TMPRSS13: variants seen among roughly 807,000 people sequenced by gnomAD.
The protein encoded by TMPRSS13 is transmembrane serine protease 13, also known as transmembrane protease serine 13.
Under a neutral mutation model 68.4 loss-of-function variants are expected in TMPRSS13, and 50 were observed. The ratio of observed to expected loss-of-function variants is 0.73; its 90% CI spans 0.58 to 0.93. TMPRSS13 has a LOEUF of 0.93. TMPRSS13 is among the 40% of genes least tolerant of loss of function. The probability of loss-of-function intolerance (pLI) is 0.00; values close to 1 mark genes in which losing one functional copy is unlikely to be tolerated. For synonymous variants in TMPRSS13, 267 were observed against 285.8 expected (o/e 0.93, Z 0.66); for missense variants, 615 against 729.2 (o/e 0.84, Z 1.80).
chr11:117,928,026 A>T (rs2057723452), intron 1 of TMPRSS13, among the ~76,000 whole-genome samples: 1 of 152,180 alleles, frequency 6.6e-6, no homozygotes, highest in South Asian at 2.1e-4. Context: ...TGTCTCAGGG[A>T]TGGACTATCC....
chr11:117,917,916 C>T (rs2057594951), intron 2 of TMPRSS13, among the ~76,000 whole-genome samples: 1 of 152,138 alleles, frequency 6.6e-6, no homozygotes, highest in African/African-American at 2.4e-5. Flanking sequence ...TCTCTGACTC[C>T]CTAGTAGCTA....
At chr11:117,910,664 C>T (rs1182377793) in intron 7 of TMPRSS13, 43 bp downstream of exon 7, 1 of 1,584,364 alleles carries the variant, frequency 6.3e-7, no homozygotes. Context: ...GCCCTTTACT[C>T]CCACACGACA....
intron 7 of TMPRSS13, 69 bp downstream of exon 7, chr11:117,910,638 G>C: frequency 6.8e-7 from 1 of 1,479,622 alleles, no homozygotes; most frequent in Non-Finnish European, 9.2e-7. Context: ...CTCCCTTGGA[G>C]GAGTGCTGCC....
Position 117,914,970 on chromosome 11 carries a change from G to A in TMPRSS13, c.557-456C>T, listed in dbSNP as rs1451451666. Among the ~76,000 whole-genome samples the A allele has an allele frequency of 1.3e-5, 2 of 152,138 alleles. No individual in the cohort carries two copies. Among genetic ancestry groups the A allele is most frequent in the Non-Finnish European group, 2.9e-5 (2 of 68,032 alleles). ...CCTCACAGTCACACAGGCAACCACC[G>A]TCTGTCTGTTCTCAAAGGCGACCAT... is the stretch of plus-strand genomic sequence containing the variant. On this transcript the variant is annotated intron_variant, in intron 3 of 12. Transcript: ENST00000524993. The surrounding 1 kb of genome is among the most constrained non-coding windows in gnomAD (Gnocchi z 4.2).
At chr11:117,905,551 T>C in intron 10 of TMPRSS13, 87 bp downstream of exon 10, 1 of 1,171,902 alleles carries the variant, frequency 8.5e-7, no homozygotes, top group Non-Finnish European at 1.2e-6. Flanking sequence ...TTCATCTGTA[T>C]ACCCAGACAC....
In TMPRSS13 at chr11:117,922,037, C is replaced by T. The variant is rs942897596; in HGVS notation, c.22-3199G>A. ...AGATTCCACACCAACCTTCTTTAGG[C>T]ACTTCACGGCCTGCTGCCCCACGCT... is the stretch of plus-strand genomic sequence containing the variant. On this transcript the variant is annotated intron_variant, in intron 1 of 12. Transcript: ENST00000524993. This position sits in a 1 kb window ranked among gnomAD's most constrained non-coding sequence, Gnocchi z 4.2. 6.6e-6 allele frequency among the ~76,000 whole-genome samples: 1 copy of T among 152,208 alleles called. No individual in the cohort carries two copies. The highest frequency in any genetic ancestry group is 2.4e-5 in the African/African-American group (1 of 41,450).
At chr11:117,903,510 C>T (rs1337607452) in intron 12 of TMPRSS13, 145 bp downstream of exon 12, 2 of 1,548,748 alleles carry the variant, frequency 1.3e-6, no homozygotes, top group East Asian at 2.4e-5. Context: ...TGACCCCAGG[C>T]ATCACATTTG....
In TMPRSS13 at chr11:117,901,886, G is replaced by A. The variant is rs750505096; in HGVS notation, c.*353C>T. The A allele has an allele frequency of 6.0e-6, 2 of 331,758 alleles. No individual in the cohort carries two copies. Among genetic ancestry groups the A allele is most frequent in the African/African-American group, 4.2e-5 (2 of 47,910 alleles). The allele number at this position is 331,758 out of a possible 1,614,324, so 20.6% of individuals were successfully genotyped here. On this transcript the variant is annotated 3_prime_UTR_variant, in exon 13 of 13. Transcript: ENST00000524993. ...TAGTCTGTAAGTGAGGGTCAGAGAA[G>A]CAAGAATTCCCAGCTCTTCCTTGGG...
chr11:117,919,871 GCA>G (rs1458709085), intron 1 of TMPRSS13, among the ~76,000 whole-genome samples: 3 of 152,236 alleles, frequency 2.0e-5, no homozygotes, highest in African/African-American at 7.2e-5. Context: ...AGAGCTTCCT[GCA>G]CAGTCTTCGT....
At chr11:117,911,899 A>C in intron 5 of TMPRSS13, 39 bp from the exon 6 acceptor site, 1 of 1,556,606 alleles carries the variant, frequency 6.4e-7, no homozygotes, top group Non-Finnish European at 8.8e-7. Context: ...AGCCCCCTGG[A>C]GACAGAGTCA....
At chr11:117,916,485 A>G (rs560980074) in intron 3 of TMPRSS13, among the ~76,000 whole-genome samples, 1 of 152,216 alleles carries the variant, frequency 6.6e-6, no homozygotes, top group African/African-American at 2.4e-5. Flanking sequence ...CAAAATTTCC[A>G]GCTATTCCCC....
chr11:117,909,767 C>A (rs754305897), intron 8 of TMPRSS13, 39 bp downstream of exon 8: 3 of 1,589,532 alleles, frequency 1.9e-6, no homozygotes, highest in Non-Finnish European at 2.6e-6. Flanking sequence ...GGTTCCCGAC[C>A]CTGGGCAGTG....
chr11:117,914,547 G>C lies in TMPRSS13; in HGVS notation c.557-33C>G. On this transcript the variant is annotated intron_variant, in intron 3 of 12. Transcript: ENST00000524993. The surrounding 1 kb of genome is among the most constrained non-coding windows in gnomAD (Gnocchi z 4.2). ...AAAAGAAGCAGACAGCTGGGTCATG[G>C]CCAGCCCCACTGAGATGAGACACTG... is the stretch of plus-strand genomic sequence containing the variant. The C allele has an allele frequency of 1.2e-6, 2 of 1,611,408 alleles. No individual in the cohort carries two copies. Among genetic ancestry groups the C allele is most frequent in the Non-Finnish European group, 1.7e-6 (2 of 1,179,668 alleles).
In TMPRSS13 at chr11:117,918,699, G is replaced by A. The variant is rs1445965808; in HGVS notation, c.161C>T (p.Ala54Val). ...ASPAGTPPGR[A>V]SPAQASPAGT... ...AGCTGGAGATGCCTGGGCTGGAGAT[G>A]CCCGGCCCGGAGGTGTCCCAGCTGG... Residue 54 changes from alanine (A) to valine (V), a missense_variant, in exon 2 of 13, where the codon GCA becomes GTA. Ala to Val is a moderately conservative substitution (Grantham distance 64). Coordinates refer to ENST00000524993, the MANE Select transcript of TMPRSS13 (RefSeq NM_001077263.3). The A allele has an allele frequency of 6.9e-6, 11 of 1,604,662 alleles. No individual in the cohort carries two copies. Among genetic ancestry groups the A allele is most frequent in the Non-Finnish European group, 8.5e-6 (10 of 1,175,194 alleles).
chr11:117,917,572 G>A (rs2057591581), intron 2 of TMPRSS13, among the ~76,000 whole-genome samples: 1 of 152,222 alleles, frequency 6.6e-6, no homozygotes. Flanking sequence ...AACCTCATGA[G>A]CAGAGTCTTA....
rs756157807 is a variant in TMPRSS13, at chr11:117,903,707, C to T, written c.1625G>A (p.Gly542Asp). ...AACTTCTGTCACTTTGGTGTACACA[C>T]CAGGTTTGTTTCTCTGGCCACAGCC... ...GTGCGQRNKP[G>D]VYTKVTEVLP... The change falls in exon 12 of 13, where the codon GGT becomes GAT. Residue 542 changes from glycine to aspartate, a missense_variant. Physicochemically the swap from Gly to Asp is moderately conservative, Grantham distance 94. Transcript: ENST00000524993. 1.7e-5 allele frequency: 28 copies of T among 1,613,946 alleles called. No homozygotes were observed. Among genetic ancestry groups the T allele is most frequent in the Non-Finnish European group, 2.2e-5 (26 of 1,179,990 alleles).
At chr11:117,927,784 G>T (rs925355514) in intron 1 of TMPRSS13, among the ~76,000 whole-genome samples, 2 of 152,172 alleles carry the variant, frequency 1.3e-5, no homozygotes, top group African/African-American at 4.8e-5. Flanking sequence ...GTGAAGTTAA[G>T]AACCTTAAAT....
At position 117,911,682 on chromosome 11, in the gene TMPRSS13, G is replaced by A; in HGVS notation, c.902+86C>T. ...TGGAGGCTGGATACTAGAAAAGCCA[G>A]TGAAGGGGGCTCCCTGACTCAAAGA... On this transcript the variant is annotated intron_variant, in intron 6 of 12. Transcript: ENST00000524993. 2.7e-6 allele frequency: 3 copies of A among 1,093,512 alleles called. No individual in the cohort carries two copies. In the South Asian group the frequency reaches 4.1e-5, roughly 15 times the overall value. The allele number at this position is 1,093,512 out of a possible 1,614,324, so 67.7% of individuals were successfully genotyped here. A position where few individuals can be genotyped will look rare whatever the true frequency, so the allele number is the denominator to read the frequency against.
In TMPRSS13 at chr11:117,902,072, GCACACACACACA is replaced by G. The variant is rs3839950; in HGVS notation, c.*155_*166del. On this transcript the variant is annotated 3_prime_UTR_variant, in exon 13 of 13. Coordinates refer to ENST00000524993, the MANE Select transcript of TMPRSS13 (RefSeq NM_001077263.3). Reference sequence around the variant, plus strand: ...TGGGAGAGTGGCAATGCACACATATGCACACACACACACACACACACACACACACACAGAGGC... The same window carrying G: ...TGGGAGAGTGGCAATGCACACATATGCACACACACACACACACACAGAGGC... 31,726 of 647,176 alleles carry G rather than the reference GCACACACACACA, an allele frequency of 0.049. 629 individuals carry two copies. The highest frequency in any genetic ancestry group is 0.12 in the Admixed American group (5,178 of 42,032). 40.1% of individuals were successfully genotyped at this position (647,176 alleles called of 1,614,324 possible).
Sources: gnomAD v4.1 joint callset for allele counts (sites outside exome capture counted in the v4.1 genomes callset) on GRCh38, gnomAD v4.1.1 for gene constraint, Gnocchi (gnomAD v3.1) non-coding constraint, MANE v1.5 for transcripts, NCBI Gene and HGNC (gene_info 2026-07-23, HGNC 2026-07-21) for gene names.